FEN1: variants seen among roughly 807,000 people sequenced by gnomAD.
The protein encoded by FEN1 is flap structure-specific endonuclease 1, also known as flap endonuclease 1.
FEN1 carries 19 observed loss-of-function variants against 24.7 expected under a neutral mutation model. The ratio of observed to expected loss-of-function variants is 0.77; its 90% CI spans 0.54 to 1.13. The LOEUF (loss-of-function observed/expected upper bound fraction) is 1.13, where lower values mean the gene tolerates loss of function less well. Ranked by LOEUF, FEN1 falls within the 50% of genes most tolerant of loss-of-function variation. FEN1 has a pLI of 0.00. For missense variants in FEN1, 339 were observed against 488.7 expected, an observed-to-expected ratio of 0.69 and a Z score of 2.89; for synonymous variants, 155 against 189.2, an observed-to-expected ratio of 0.82 and a Z score of 1.48.
At position 61,796,427 on chromosome 11, in the gene FEN1, A is replaced by C. The variant is rs767523831; in HGVS notation, c.1066A>C (p.Lys356Gln). ...VTGSLSSAKR[K>Q]EPEPKGSTKK... ...CGGCTCACTCTCTTCAGCTAAGCGC[A>C]AGGAGCCAGAACCCAAGGGATCCAC... Residue 356 changes from lysine to glutamine, a missense_variant, in exon 2 of 2, where the codon AAG (lysine) becomes CAG (glutamine). This residue lies in a region of FEN1 where 53 missense variants were observed against 94.1 expected (regional missense o/e 0.56). Transcript: ENST00000305885. The C allele has an allele frequency of 6.2e-7, 1 of 1,613,438 alleles. No homozygotes were observed. The highest frequency in any genetic ancestry group is 8.5e-7 in the Non-Finnish European group (1 of 1,180,034).
chr11:61,796,158 A>G lies in FEN1; in HGVS notation c.797A>G (p.Asn266Ser), dbSNP rs760118285. 3.7e-6 allele frequency: 6 copies of G among 1,614,016 alleles called. No individual in the cohort carries two copies. Among genetic ancestry groups the G allele is most frequent in the African/African-American group, 1.3e-5 (1 of 74,940 alleles). ...GAGATCGTGCGGCGACTTGACCCCA[A>G]CAAGTACCCTGTGCCAGAAAATTGG... ...IEEIVRRLDP[N>S]KYPVPENWLH... Residue 266 changes from asparagine to serine, a missense_variant, in exon 2 of 2, where the codon AAC becomes AGC. By Grantham distance (46) the Asn-to-Ser change is conservative. Around this residue, in one of 3 missense-constraint regions of FEN1, gnomAD observed 70 missense variants for 64.9 expected, o/e 1.08. Transcript: ENST00000305885.
Position 61,795,248 on chromosome 11 carries a change from T to C in FEN1, c.-21-93T>C. Reference sequence around the variant, plus strand: ...TGCTGACATGGTGTCCTTTTTGTTGTGTGGAATTTAGTTGAAGGCATGAAG... The same window carrying C: ...TGCTGACATGGTGTCCTTTTTGTTGCGTGGAATTTAGTTGAAGGCATGAAG... On this transcript the variant is annotated intron_variant, in intron 1 of 1. Coordinates refer to ENST00000305885, the MANE Select transcript of FEN1 (RefSeq NM_004111.6). This position sits in a 1 kb window ranked among gnomAD's most constrained non-coding sequence, Gnocchi z 4.1. 1 of 1,052,552 alleles carries C rather than the reference T, an allele frequency of 9.5e-7. No homozygotes were observed. The highest frequency in any genetic ancestry group is 1.4e-6 in the Non-Finnish European group (1 of 733,682). 65.2% of individuals were successfully genotyped at this position (1,052,552 alleles called of 1,614,324 possible).
Position 61,795,493 on chromosome 11 carries a change from T to G in FEN1, c.132T>G (p.Ile44Met). The change falls in exon 2 of 2, where the codon ATT becomes ATG. Residue 44 changes from isoleucine (I) to methionine (M), a missense_variant. This residue lies in a region of FEN1 where 216 missense variants were observed against 329.7 expected (regional missense o/e 0.66). Coordinates refer to ENST00000305885, the MANE Select transcript of FEN1 (RefSeq NM_004111.6). The surrounding 1 kb of genome is among the most constrained non-coding windows in gnomAD (Gnocchi z 4.1). ...CTATGAGCATTTATCAGTTCCTGAT[T>G]GCTGTTCGCCAGGGTGGGGATGTGC... ...DASMSIYQFLIAVRQGGDVLQ... is the reference protein window; with the variant it reads ...DASMSIYQFLMAVRQGGDVLQ... 6.2e-7 allele frequency: 1 copy of G among 1,614,246 alleles called. No homozygotes were observed. Among genetic ancestry groups the G allele is most frequent in the Non-Finnish European group, 8.5e-7 (1 of 1,180,054 alleles).
Position 61,796,512 on chromosome 11 carries a change from T to G in FEN1, c.*8T>G, listed in dbSNP as rs1488901249. 6.3e-7 allele frequency: 1 copy of G among 1,595,738 alleles called. No individual in the cohort carries two copies. The highest frequency in any genetic ancestry group is 1.1e-5 in the South Asian group (1 of 88,820). On this transcript the variant is annotated 3_prime_UTR_variant, in exon 2 of 2. Transcript: ENST00000305885. ...TTTAAAAGGGGAAAATAAATGTGTT[T>G]CCCCATTATACCTCCTTCACCCCAG...
rs748648821 is a variant in FEN1, at chr11:61,796,277, C to G, written c.916C>G (p.Leu306Val). The change falls in exon 2 of 2, where the codon CTG (leucine) becomes GTG (valine). Residue 306 changes from leucine to valine, a missense_variant. By Grantham distance (32) the Leu-to-Val change is conservative (BLOSUM62 1). Coordinates refer to ENST00000305885, the MANE Select transcript of FEN1 (RefSeq NM_004111.6). ...GTGGAGCGAGCCAAATGAAGAAGAG[C>G]TGATCAAGTTCATGTGTGGTGAAAA... ...LKWSEPNEEE[L>V]IKFMCGEKQF... The G allele has an allele frequency of 1.9e-6, 3 of 1,612,570 alleles. No homozygotes were observed. Among genetic ancestry groups the G allele is most frequent in the Non-Finnish European group, 2.5e-6 (3 of 1,180,046 alleles).
chr11:61,794,343 AT>A (rs35101797), intron 1 of FEN1, among the ~76,000 whole-genome samples: 306 of 143,838 alleles, frequency 2.1e-3, no homozygotes, highest in Admixed American at 4.7e-3. Context: ...CACCCAGCTA[AT>A]TTTTTTTTTT....
chr11:61,795,268 A>G lies in FEN1; in HGVS notation c.-21-73A>G. ...TGTTGTGTGGAATTTAGTTGAAGGC[A>G]TGAAGTTGGTGAGATAACACCAGTT... On this transcript the variant is annotated intron_variant, in intron 1 of 1. Transcript: ENST00000305885. This position sits in a 1 kb window ranked among gnomAD's most constrained non-coding sequence, Gnocchi z 4.1. The G allele has an allele frequency of 1.5e-6, 2 of 1,301,524 alleles. No individual in the cohort carries two copies. The highest frequency in any genetic ancestry group is 2.1e-6 in the Non-Finnish European group (2 of 950,044). 80.6% of individuals were successfully genotyped at this position (1,301,524 alleles called of 1,614,324 possible).
chr11:61,796,201 C>A lies in FEN1; in HGVS notation c.840C>A (p.His280Gln), dbSNP rs557497901. Residue 280 changes from histidine to glutamine, a missense_variant, in exon 2 of 2, where the codon CAC (histidine) becomes CAA (glutamine). Physicochemically the swap from His to Gln is conservative, Grantham distance 24. Coordinates refer to ENST00000305885, the MANE Select transcript of FEN1 (RefSeq NM_004111.6). ...AAAATTGGCTCCACAAGGAGGCTCA[C>A]CAGCTCTTCTTGGAACCTGAGGTGC... Reference protein sequence around the residue: ...VPENWLHKEAHQLFLEPEVLD... With the variant: ...VPENWLHKEAQQLFLEPEVLD... The A allele has an allele frequency of 6.2e-7, 1 of 1,613,352 alleles. No individual in the cohort carries two copies. Among genetic ancestry groups the A allele is most frequent in the African/African-American group, 1.3e-5 (1 of 75,008 alleles).
In FEN1 at chr11:61,796,208, T is replaced by C; in HGVS notation, c.847T>C (p.Phe283Leu). ...NWLHKEAHQLFLEPEVLDPES... is the reference protein window; with the variant it reads ...NWLHKEAHQLLLEPEVLDPES... The stretch of plus-strand genomic sequence containing the variant: ...GCTCCACAAGGAGGCTCACCAGCTC[T>C]TCTTGGAACCTGAGGTGCTGGACCC... Residue 283 changes from phenylalanine (F) to leucine (L), a missense_variant, in exon 2 of 2, where the codon TTC becomes CTC. Phe to Leu is a conservative substitution (Grantham distance 22, BLOSUM62 0). This residue lies in a region of FEN1 where 70 missense variants were observed against 64.9 expected (regional missense o/e 1.08). Coordinates refer to ENST00000305885, the MANE Select transcript of FEN1 (RefSeq NM_004111.6). 1 of 1,613,182 alleles carries C rather than the reference T, an allele frequency of 6.2e-7. No homozygotes were observed. Among genetic ancestry groups the C allele is most frequent in the South Asian group, 1.1e-5 (1 of 91,046 alleles).
chr11:61,795,520 G>A lies in FEN1; in HGVS notation c.159G>A (p.Leu53=), dbSNP rs759383889. The change falls in exon 2 of 2, where the codon CTG becomes CTA. Residue 53 remains leucine (L), a synonymous_variant. Coordinates refer to ENST00000305885, the MANE Select transcript of FEN1 (RefSeq NM_004111.6). This position sits in a 1 kb window ranked among gnomAD's most constrained non-coding sequence, Gnocchi z 4.1. ...LIAVRQGGDV[L]QNEEGETTSH... ...CTGTTCGCCAGGGTGGGGATGTGCT[G>A]CAGAATGAGGAGGGTGAGACCACCA... 7.4e-6 allele frequency: 12 copies of A among 1,614,074 alleles called. No homozygotes were observed. In the South Asian group the frequency reaches 1.1e-4, roughly 15 times the overall value.
chr11:61,794,870 A>G (rs980015136), intron 1 of FEN1, among the ~76,000 whole-genome samples: 1 of 152,226 alleles, frequency 6.6e-6, no homozygotes. Context: ...TATGTTTGCA[A>G]TCCTTTTTCA....
At position 61,796,381 on chromosome 11, in the gene FEN1, GGAT is replaced by G; in HGVS notation, c.1024_1026del (p.Asp342del). ...GCCAAGGCAGCACCCAGGGCCGCCT[GGAT>G]GATTTCTTCAAGGTGACCGGCTCAC... On this transcript the variant is annotated inframe_deletion, in exon 2 of 2. Coordinates refer to ENST00000305885, the MANE Select transcript of FEN1 (RefSeq NM_004111.6). 1 of 1,613,716 alleles carries G rather than the reference GGAT, an allele frequency of 6.2e-7. No homozygotes were observed. Among genetic ancestry groups the G allele is most frequent in the Non-Finnish European group, 8.5e-7 (1 of 1,180,040 alleles).
At position 61,796,218 on chromosome 11, in the gene FEN1, C is replaced by G. The variant is rs757326491; in HGVS notation, c.857C>G (p.Pro286Arg). 6.2e-7 allele frequency: 1 copy of G among 1,612,996 alleles called. No individual in the cohort carries two copies. Reference protein sequence around the residue: ...HKEAHQLFLEPEVLDPESVEL... With the variant: ...HKEAHQLFLEREVLDPESVEL... ...GAGGCTCACCAGCTCTTCTTGGAACCTGAGGTGCTGGACCCAGAGTCTGTG... is the reference window on the plus strand; with the variant it reads ...GAGGCTCACCAGCTCTTCTTGGAACGTGAGGTGCTGGACCCAGAGTCTGTG... Residue 286 changes from proline to arginine, a missense_variant, in exon 2 of 2, where the codon CCT (proline) becomes CGT (arginine). Physicochemically the swap from Pro to Arg is moderately radical, Grantham distance 103. Transcript: ENST00000305885.
In FEN1 at chr11:61,796,122, A is replaced by G. The variant is rs1356098864; in HGVS notation, c.761A>G (p.Lys254Arg). 1 of 1,614,222 alleles carries G rather than the reference A, an allele frequency of 6.2e-7. No homozygotes were observed. The highest frequency in any genetic ancestry group is 8.5e-7 in the Non-Finnish European group (1 of 1,180,034). Residue 254 changes from lysine (K) to arginine (R), a missense_variant, in exon 2 of 2, where the codon AAG becomes AGG. Coordinates refer to ENST00000305885, the MANE Select transcript of FEN1 (RefSeq NM_004111.6). The stretch of plus-strand genomic sequence containing the variant: ...GCTGTGGACCTCATCCAGAAGCACA[A>G]GAGCATCGAGGAGATCGTGCGGCGA... ...KRAVDLIQKH[K>R]SIEEIVRRLD...
chr11:61,794,982 C>T (rs1164403665), intron 1 of FEN1, among the ~76,000 whole-genome samples: 1 of 152,116 alleles, frequency 6.6e-6, no homozygotes, highest in African/African-American at 2.4e-5. Context: ...CATTATGGTC[C>T]CTGGACTCCT....
Position 61,796,195 on chromosome 11 carries a change from G to A in FEN1, c.834G>A (p.Glu278=). The A allele has an allele frequency of 6.2e-7, 1 of 1,613,506 alleles. No homozygotes were observed. Among genetic ancestry groups the A allele is most frequent in the Non-Finnish European group, 8.5e-7 (1 of 1,180,044 alleles). ...YPVPENWLHK[E]AHQLFLEPEV... ...TGCCAGAAAATTGGCTCCACAAGGA[G>A]GCTCACCAGCTCTTCTTGGAACCTG... Residue 278 remains glutamate (E), a synonymous_variant, in exon 2 of 2, where the codon GAG becomes GAA. Transcript: ENST00000305885.
Position 61,796,513 on chromosome 11 carries a change from C to G in FEN1, c.*9C>G. On this transcript the variant is annotated 3_prime_UTR_variant, in exon 2 of 2. Transcript: ENST00000305885. ...TTAAAAGGGGAAAATAAATGTGTTT[C>G]CCCATTATACCTCCTTCACCCCAGA... The G allele has an allele frequency of 6.3e-7, 1 of 1,590,872 alleles. No individual in the cohort carries two copies. The highest frequency in any genetic ancestry group is 8.6e-7 in the Non-Finnish European group (1 of 1,168,552).
Position 61,795,970 on chromosome 11 carries a change from A to C in FEN1, c.609A>C (p.Pro203=). ...CTGCCAGTGAAGCCAAAAAGCTGCCAATCCAGGAATTCCACCTGAGCCGGA... is the reference window on the plus strand; with the variant it reads ...CTGCCAGTGAAGCCAAAAAGCTGCCCATCCAGGAATTCCACCTGAGCCGGA... The part of the protein sequence containing the change: ...HLTASEAKKL[P]IQEFHLSRIL... The change falls in exon 2 of 2, where the codon CCA becomes CCC. Residue 203 remains proline (P), a synonymous_variant. Transcript: ENST00000305885. The surrounding 1 kb of genome is among the most constrained non-coding windows in gnomAD (Gnocchi z 4.1). 6.2e-7 allele frequency: 1 copy of C among 1,614,218 alleles called. No individual in the cohort carries two copies. Among genetic ancestry groups the C allele is most frequent in the Non-Finnish European group, 8.5e-7 (1 of 1,180,048 alleles).
Position 61,795,680 on chromosome 11 carries a change from G to T in FEN1, c.319G>T (p.Ala107Ser), listed in dbSNP as rs754406395. 2 of 1,613,870 alleles carry T rather than the reference G, an allele frequency of 1.2e-6. No homozygotes were observed. The highest frequency in any genetic ancestry group is 1.7e-6 in the Non-Finnish European group (2 of 1,180,008). Residue 107 changes from alanine (A) to serine (S), a missense_variant, in exon 2 of 2, where the codon GCA (alanine) becomes TCA (serine). By Grantham distance (99) the Ala-to-Ser change is moderately conservative. Transcript: ENST00000305885. This position sits in a 1 kb window ranked among gnomAD's most constrained non-coding sequence, Gnocchi z 4.1. ...CAAACGCAGTGAGCGGCGGGCTGAGGCAGAGAAGCAGCTGCAGCAGGCTCA... is the reference window on the plus strand; with the variant it reads ...CAAACGCAGTGAGCGGCGGGCTGAGTCAGAGAAGCAGCTGCAGCAGGCTCA... ...LAKRSERRAE[A>S]EKQLQQAQAA...
Sources: gnomAD v4.1 joint callset for allele counts (sites outside exome capture counted in the v4.1 genomes callset) on GRCh38, gnomAD v4.1.1 for gene constraint, gnomAD v4.1.1 regional missense constraint, Gnocchi (gnomAD v3.1) non-coding constraint, MANE v1.5 for transcripts, NCBI Gene and HGNC (gene_info 2026-07-23, HGNC 2026-07-21) for gene names.